KCNK2: variants seen among roughly 807,000 people sequenced by gnomAD.
The protein encoded by KCNK2 is potassium channel subfamily K member 2.
KCNK2 carries 21 observed loss-of-function variants against 40.5 expected under a neutral mutation model. The ratio of observed to expected loss-of-function variants is 0.52; its 90% CI spans 0.37 to 0.75. The LOEUF is 0.75. KCNK2 is among the 30% of genes least tolerant of loss of function. The probability of loss-of-function intolerance (pLI) is 0.00; values close to 1 mark genes in which losing one functional copy is unlikely to be tolerated. For synonymous variants in KCNK2, 191 were observed against 202.2 expected (o/e 0.94, Z 0.47); for missense variants, 399 against 531.6 (o/e 0.75, Z 2.45).
intron 6 of KCNK2, among the ~76,000 whole-genome samples, chr1:215,214,857 C>CA (rs974000737): frequency 2.6e-4 from 39 of 149,754 alleles, no homozygotes; most frequent in African/African-American, 7.1e-4. Flanking sequence ...AACCAAAAAC[C>CA]AAAAAAAAAT....
chr1:215,079,156 G>C (rs1659054530), upstream of KCNK2, among the ~76,000 whole-genome samples: 1 of 152,144 alleles, frequency 6.6e-6, no homozygotes, highest in African/African-American at 2.4e-5. Context: ...AAGTTAAGAG[G>C]TGTTGAGTAG....
rs1401560250 is a variant in KCNK2, at chr1:215,234,817, G to A, written c.964-11G>A. On this transcript the variant is annotated splice_polypyrimidine_tract_variant and intron_variant, in intron 6 of 6. Coordinates refer to ENST00000444842, the MANE Select transcript of KCNK2 (RefSeq NM_001017425.3). ...CAATATCTTTATCTTTTCTCTGCTTGTATGTTCCAGGTGGGAGAGTTCAGA... is the reference window on the plus strand; with the variant it reads ...CAATATCTTTATCTTTTCTCTGCTTATATGTTCCAGGTGGGAGAGTTCAGA... 4 of 1,594,766 alleles carry A rather than the reference G, an allele frequency of 2.5e-6. No individual in the cohort carries two copies. Among genetic ancestry groups the A allele is most frequent in the East Asian group, 4.5e-5 (2 of 44,422 alleles).
intron 5 of KCNK2, among the ~76,000 whole-genome samples, 191 bp downstream of exon 5, chr1:215,172,374 C>T (rs1368831288): frequency 2.0e-5 from 3 of 152,110 alleles, no homozygotes; most frequent in South Asian, 2.1e-4. Context: ...AAGGTACCAG[C>T]AGGGCCATGA....
rs572872014 is a variant in KCNK2 at position 215,225,667 on chromosome 1, C to A, written c.964-9161C>A. Among the ~76,000 whole-genome samples the A allele has an allele frequency of 2.0e-4, 30 of 152,234 alleles. No individual in the cohort carries two copies. In the South Asian group the frequency reaches 6.2e-3, roughly 32 times the overall value. On this transcript the variant is annotated intron_variant, in intron 6 of 6. Coordinates refer to ENST00000444842, the MANE Select transcript of KCNK2 (RefSeq NM_001017425.3). ...GTTAGAATGTATGTAGGAGTCTGGT[C>A]TATTCAAATTACCATGTTGGGTACT... is the stretch of plus-strand genomic sequence containing the variant.
intron 1 of KCNK2, among the ~76,000 whole-genome samples, chr1:215,049,829 T>A (rs1220134668): frequency 6.6e-6 from 1 of 152,164 alleles, no homozygotes; most frequent in East Asian, 1.9e-4. Flanking sequence ...GTGGATTTAG[T>A]TGTGGGTTCT....
intron 2 of KCNK2, among the ~76,000 whole-genome samples, chr1:215,113,939 G>C (rs149730999): frequency 7.2e-5 from 11 of 152,254 alleles, no homozygotes; most frequent in South Asian, 2.1e-4. Context: ...ATGAAAGTGT[G>C]AGTGAGGTTC....
chr1:215,145,837 A>T (rs879900992), intron 3 of KCNK2, among the ~76,000 whole-genome samples: 1 of 152,128 alleles, frequency 6.6e-6, no homozygotes, highest in African/African-American at 2.4e-5. Context: ...AAGTTACTCA[A>T]ATTTTGTGCT....
At chr1:215,024,407 G>C (rs930255720) in intron 1 of KCNK2, among the ~76,000 whole-genome samples, 6 of 152,310 alleles carry the variant, frequency 3.9e-5, no homozygotes, top group Non-Finnish European at 1.5e-5. Context: ...GTTCACTTAC[G>C]CAGTGAATAA....
Position 215,235,649 on chromosome 1 carries a change from C to G in KCNK2, c.*504C>G, listed in dbSNP as rs1433808093. 6.5e-6 allele frequency: 1 copy of G among 153,254 alleles called. No individual in the cohort carries two copies. Among genetic ancestry groups the G allele is most frequent in the African/African-American group, 2.4e-5 (1 of 41,404 alleles). 9.5% of individuals were successfully genotyped at this position (153,254 alleles called of 1,614,324 possible). A position where few individuals can be genotyped will look rare whatever the true frequency, so the allele number is the denominator to read the frequency against. On this transcript the variant is annotated 3_prime_UTR_variant, in exon 7 of 7. Transcript: ENST00000444842. The stretch of plus-strand genomic sequence containing the variant: ...TATCTTATGAAGAAACAGAACCTCT[C>G]TAGCTAATGTGTGGTTTCTCCTTCC...
At chr1:215,217,027 A>G (rs992291544) in intron 6 of KCNK2, among the ~76,000 whole-genome samples, 1 of 152,258 alleles carries the variant, frequency 6.6e-6, no homozygotes, top group Non-Finnish European at 1.5e-5. Context: ...GAAGAGGAGT[A>G]AAAGACTAAC....
At position 215,153,561 on chromosome 1, in the gene KCNK2, TTG is replaced by T. The variant is rs572371131; in HGVS notation, c.476-15636_476-15635del. On this transcript the variant is annotated intron_variant, in intron 3 of 6. Transcript: ENST00000444842. Reference sequence around the variant, plus strand: ...TACGTTCTTCTTTCGATATATAGCGTTGTTATATATATATATATATTTTTTTT... The same window carrying T: ...TACGTTCTTCTTTCGATATATAGCGTTTATATATATATATATATTTTTTTT... Among the ~76,000 whole-genome samples the T allele has an allele frequency of 3.4e-3, 291 of 84,390 alleles. 2 individuals are homozygous for T. Among genetic ancestry groups the T allele is most frequent in the African/African-American group, 0.013 (279 of 21,646 alleles). 55.4% of individuals were successfully genotyped at this position (84,390 alleles called of 152,430 possible). A position where few individuals can be genotyped will look rare whatever the true frequency, so the allele number is the denominator to read the frequency against.
intron 1 of KCNK2, among the ~76,000 whole-genome samples, chr1:215,041,005 C>T (rs1331232178): frequency 6.6e-6 from 1 of 152,148 alleles, no homozygotes; most frequent in African/African-American, 2.4e-5. Flanking sequence ...CAAGGCTTCA[C>T]TTCCTTTTAA....
chr1:215,010,616 TCCATTAG>T (rs1440246339), intron 1 of KCNK2, among the ~76,000 whole-genome samples: 2 of 152,164 alleles, frequency 1.3e-5, no homozygotes, highest in African/African-American at 4.8e-5. Context: ...GTGTTTTGTT[TCCATTAG>T]GCTGCTTTTG....
chr1:215,120,015 T>G (rs1422667263), intron 2 of KCNK2, among the ~76,000 whole-genome samples: 4 of 152,126 alleles, frequency 2.6e-5, no homozygotes, highest in Non-Finnish European at 5.9e-5. Flanking sequence ...ACAAGAATAT[T>G]CTAGAGAAAA....
At chr1:215,026,426 T>C (rs1213705705) in intron 1 of KCNK2, among the ~76,000 whole-genome samples, 1 of 152,010 alleles carries the variant, frequency 6.6e-6, no homozygotes, top group Non-Finnish European at 1.5e-5. Context: ...AATCCATTGA[T>C]TTTTTTGTAA....
At chr1:215,171,222 C>G (rs950638437) in intron 4 of KCNK2, among the ~76,000 whole-genome samples, 1 of 152,130 alleles carries the variant, frequency 6.6e-6, no homozygotes, top group African/African-American at 2.4e-5. Context: ...TATATACCAA[C>G]TTCATTTAAT....
At chr1:215,178,215 A>G (rs1171651940) in intron 5 of KCNK2, among the ~76,000 whole-genome samples, 2 of 152,256 alleles carry the variant, frequency 1.3e-5, no homozygotes, top group East Asian at 1.9e-4. Flanking sequence ...TTGATTTTGT[A>G]TCTTCAAATG....
chr1:215,172,236 G>T (rs1265276308), intron 5 of KCNK2, 53 bp downstream of exon 5: 5 of 1,471,386 alleles, frequency 3.4e-6, no homozygotes, highest in African/African-American at 2.8e-5. Flanking sequence ...TTATTAGATA[G>T]ATTTTTCACT....
At chr1:215,227,539 T>C (rs982443675) in intron 6 of KCNK2, among the ~76,000 whole-genome samples, 7 of 152,202 alleles carry the variant, frequency 4.6e-5, no homozygotes, top group Non-Finnish European at 7.4e-5. Context: ...CTAGATTACA[T>C]GAGTCACTTT....
Sources: gnomAD v4.1 joint callset for allele counts (sites outside exome capture counted in the v4.1 genomes callset) on GRCh38, gnomAD v4.1.1 for gene constraint, MANE v1.5 for transcripts, NCBI Gene and HGNC (gene_info 2026-07-23, HGNC 2026-07-21) for gene names.